SUMF2: variants seen among roughly 807,000 people sequenced by gnomAD.
SUMF2 encodes sulfatase modifying factor 2.
SUMF2 carries 45 observed loss-of-function variants against 44.8 expected under a neutral mutation model. The ratio of observed to expected loss-of-function variants is 1.00; its 90% confidence interval spans 0.79 to 1.29. The LOEUF (loss-of-function observed/expected upper bound fraction) is 1.29, where lower values mean the gene tolerates loss of function less well. Among genes scored for constraint, SUMF2 ranks in the 50% most tolerant of loss-of-function variants. SUMF2 has a pLI of 0.00. For synonymous variants in SUMF2, 148 were observed against 150.4 expected (o/e 0.98, Z 0.12); for missense variants, 418 against 389.9 (o/e 1.07, Z -0.61).
At chr7:56,082,010 G>C, downstream of SUMF2, 1 of 1,613,896 alleles carries the variant, frequency 6.2e-7, no homozygotes, top group Non-Finnish European at 8.5e-7. Context: ...GCGGGGAGCC[G>C]GCCAGCAGCG....
chr7:56,086,240 C>A, the SUMF2 span, among the ~76,000 whole-genome samples: 10 of 151,986 alleles, frequency 6.6e-5, no homozygotes, highest in Admixed American at 6.6e-4. Flanking sequence ...GTTCCAAGAC[C>A]CCCAGTGGAT....
intron 2 of SUMF2, among the ~76,000 whole-genome samples, chr7:56,072,521 G>A (rs991891726): frequency 1.3e-5 from 2 of 151,820 alleles, no homozygotes; most frequent in Non-Finnish European, 2.9e-5. Context: ...TCAGGAGTTC[G>A]AGACCAGCCT....
intron 6 of SUMF2, among the ~76,000 whole-genome samples, chr7:56,077,900 T>C (rs1447649522): frequency 6.6e-6 from 1 of 151,964 alleles, no homozygotes; most frequent in Non-Finnish European, 1.5e-5. Flanking sequence ...GGAAACACTC[T>C]TCCTAATCCA....
rs1472152555 is a variant in SUMF2 at position 56,068,543 on chromosome 7, T to A, written c.129T>A (p.Asn43Lys). ...GTGGGAGATTCCTGATGGGAACAAATTCTCCAGACAGCAGAGATGGTGACG... is the reference window on the plus strand; with the variant it reads ...GTGGGAGATTCCTGATGGGAACAAAATCTCCAGACAGCAGAGATGGTGACG... ...LQGGRFLMGT[N>K]SPDSRDGDGP... The change falls in exon 2 of 9, where the codon AAT becomes AAA. Residue 43 changes from asparagine to lysine, a missense_variant. Physicochemically the swap from Asn to Lys is moderately conservative, Grantham distance 94. Coordinates refer to ENST00000434526, the MANE Select transcript of SUMF2 (RefSeq NM_015411.4). 4.3e-6 allele frequency: 7 copies of A among 1,613,880 alleles called. No individual in the cohort carries two copies. The highest frequency in any genetic ancestry group is 5.9e-6 in the Non-Finnish European group (7 of 1,179,992).
rs71015184 is a variant in SUMF2, at chr7:56,080,260, CTTT to C, written c.*669_*671del. 112 of 105,402 alleles carry C rather than the reference CTTT, an allele frequency of 1.1e-3. No individual in the cohort carries two copies. Among genetic ancestry groups the C allele is most frequent in the Admixed American group, 2.1e-3 (19 of 9,122 alleles). 6.5% of individuals were successfully genotyped at this position (105,402 alleles called of 1,614,324 possible). On this transcript the variant is annotated 3_prime_UTR_variant, in exon 9 of 9. Coordinates refer to ENST00000434526, the MANE Select transcript of SUMF2 (RefSeq NM_015411.4). ...AGACAAATATCAGAAGCTTCCTATT[CTTT>C]TTTTTTTTTTTTTTTTTTTTGAGAC...
At chr7:56,074,557 A>G (rs1795404602) in intron 4 of SUMF2, 29 bp from the exon 5 acceptor site, 2 of 1,610,270 alleles carry the variant, frequency 1.2e-6, no homozygotes, top group East Asian at 2.2e-5. Context: ...CGCTCCCGGA[A>G]GCCTGTCTCA....
At chr7:56,075,647 C>T (rs1045360868) in intron 5 of SUMF2, among the ~76,000 whole-genome samples, 1 of 148,902 alleles carries the variant, frequency 6.7e-6, no homozygotes, top group Non-Finnish European at 1.5e-5. Context: ...TGCAGTGAGC[C>T]GAGATCACGC....
downstream of SUMF2, chr7:56,083,527 T>A (rs1796118361): frequency 6.5e-7 from 1 of 1,545,410 alleles, no homozygotes; most frequent in Non-Finnish European, 8.9e-7. Context: ...TCAGCCACAC[T>A]GCAAGGGAGC....
downstream of SUMF2, chr7:56,081,926 C>T (rs761718565): frequency 3.7e-6 from 6 of 1,613,712 alleles, no homozygotes; most frequent in Non-Finnish European, 1.7e-6. This position sits in a 1 kb window ranked among gnomAD's most constrained non-coding sequence, Gnocchi z 4.6. Context: ...AATCATCCCA[C>T]TCGGGCGAGC....
At chr7:56,067,006 T>C (rs576434366) in intron 1 of SUMF2, among the ~76,000 whole-genome samples, 2 of 152,368 alleles carry the variant, frequency 1.3e-5, no homozygotes, top group African/African-American at 4.8e-5. Flanking sequence ...TATGCACTTA[T>C]GGCAGAGGCC....
chr7:56,078,946 G>T, intron 8 of SUMF2: 1 of 540,334 alleles, frequency 1.9e-6, no homozygotes, highest in Non-Finnish European at 3.3e-6. Flanking sequence ...GTCCAGGCTG[G>T]AGTGCAGTGG....
At chr7:56,081,184 C>T (rs373447305), downstream of SUMF2, 16 of 1,613,770 alleles carry the variant, frequency 9.9e-6, no homozygotes, top group African/African-American at 4.0e-5. The surrounding 1 kb of genome is among the most constrained non-coding windows in gnomAD (Gnocchi z 4.6). Flanking sequence ...GTCGATGAGC[C>T]GGCGCAGAGG....
chr7:56,086,088 T>C, the SUMF2 span, among the ~76,000 whole-genome samples: 2 of 151,596 alleles, frequency 1.3e-5, no homozygotes, highest in African/African-American at 4.8e-5. Context: ...TGACCGACCT[T>C]ACATCCTGCC....
chr7:56,085,271 A>T (rs1432856336), downstream of SUMF2, among the ~76,000 whole-genome samples: 1 of 149,990 alleles, frequency 6.7e-6, no homozygotes, highest in Non-Finnish European at 1.5e-5. Context: ...TTAATTTTAT[A>T]TTTTTTTGTA....
chr7:56,080,975 G>C (rs1206828609), downstream of SUMF2: 2 of 1,525,138 alleles, frequency 1.3e-6, no homozygotes, highest in African/African-American at 1.4e-5. Flanking sequence ...AGGCCTGCAC[G>C]CATCTCACCC....
rs1002110652 is a variant in SUMF2, at chr7:56,074,658, C to T, written c.457C>T (p.Arg153Cys). Residue 153 changes from arginine (R) to cysteine (C), a missense_variant, in exon 5 of 9, where the codon CGT becomes TGT. By Grantham distance (180) the Arg-to-Cys change is radical. Coordinates refer to ENST00000434526, the MANE Select transcript of SUMF2 (RefSeq NM_015411.4). ...PVLHVSWNDA[R>C]AYCAWRGKRL... ...GTTACACGTGAGCTGGAATGACGCC[C>T]GTGCCTACTGTGCTTGGCGGGGAAA... 3.1e-6 allele frequency: 5 copies of T among 1,614,070 alleles called. No homozygotes were observed. Among genetic ancestry groups the T allele is most frequent in the African/African-American group, 1.3e-5 (1 of 74,940 alleles).
intron 5 of SUMF2, 156 bp from the exon 6 acceptor site, chr7:56,076,677 TG>T: frequency 1.6e-6 from 1 of 613,950 alleles, no homozygotes; most frequent in South Asian, 2.2e-5. Flanking sequence ...GTTCAGCGAG[TG>T]GAGAGGATGG....
At chr7:56,074,497 G>A in intron 4 of SUMF2, 89 bp from the exon 5 acceptor site, 3 of 1,532,280 alleles carry the variant, frequency 2.0e-6, no homozygotes, top group Non-Finnish European at 2.7e-6. Flanking sequence ...CCATCTAGTG[G>A]TAAAAGCTGA....
chr7:56,068,948 A>G (rs1374924703), intron 2 of SUMF2, among the ~76,000 whole-genome samples: 2 of 151,592 alleles, frequency 1.3e-5, no homozygotes, highest in Non-Finnish European at 2.9e-5. Flanking sequence ...CCTGACCTCA[A>G]CTATCTGCCC....
Sources: gnomAD v4.1 joint callset for allele counts (sites outside exome capture counted in the v4.1 genomes callset) on GRCh38, gnomAD v4.1.1 for gene constraint, Gnocchi (gnomAD v3.1) non-coding constraint, MANE v1.5 for transcripts, NCBI Gene and HGNC (gene_info 2026-07-23, HGNC 2026-07-21) for gene names.